VPS13B: variants seen among roughly 807,000 people sequenced by gnomAD.
VPS13B encodes the protein intermembrane lipid transfer protein VPS13B.
A neutral mutation model predicts 426.4 loss-of-function variants in VPS13B; 285 were observed. The observed-to-expected ratio is 0.67, with a 90% CI of 0.61 to 0.74. The LOEUF is 0.74. Among genes scored for constraint, VPS13B ranks in the 30% least tolerant of loss-of-function variants. The pLI, the probability that VPS13B is intolerant of heterozygous loss-of-function variation, is 0.00. For missense variants in VPS13B, 4,537 were observed against 4,782.6 expected (o/e 0.95, Z 1.51); for synonymous variants, 1,676 against 1,676.4 (o/e 1.00, Z 0.01).
chr8:99,297,974 A>T (rs984960500), intron 19 of VPS13B, among the ~76,000 whole-genome samples: 2 of 152,222 alleles, frequency 1.3e-5, no homozygotes, highest in African/African-American at 4.8e-5. Context: ...TTTTACCAAT[A>T]GAAAGAAGGG....
chr8:99,192,853 A>G (rs1813679022), intron 16 of VPS13B, 23 bp from the exon 17 acceptor site: 2 of 1,611,250 alleles, frequency 1.2e-6, no homozygotes, highest in African/African-American at 2.7e-5. Context: ...CTGTATTGCG[A>G]TTCTTTCTGT....
At chr8:99,400,568 G>A (rs1156323538) in intron 21 of VPS13B, among the ~76,000 whole-genome samples, 1 of 152,070 alleles carries the variant, frequency 6.6e-6, no homozygotes, top group African/African-American at 2.4e-5. Flanking sequence ...AAGCGTGTAA[G>A]GTTATTTTAA....
intron 43 of VPS13B, among the ~76,000 whole-genome samples, chr8:99,785,153 G>A (rs1024543045): frequency 1.3e-5 from 2 of 152,162 alleles, no homozygotes; most frequent in Non-Finnish European, 2.9e-5. Context: ...TATGTGTCCT[G>A]TAGCGATAAT....
chr8:99,509,263 T>C (rs1821658936), intron 28 of VPS13B, among the ~76,000 whole-genome samples: 1 of 152,136 alleles, frequency 6.6e-6, no homozygotes, highest in African/African-American at 2.4e-5. Context: ...ATACATCTTT[T>C]TGTTTTTGAG....
At chr8:99,700,214 T>C (rs1280392169) in intron 36 of VPS13B, among the ~76,000 whole-genome samples, 1 of 152,196 alleles carries the variant, frequency 6.6e-6, no homozygotes, top group African/African-American at 2.4e-5. Flanking sequence ...AAAACAGCTA[T>C]AGTGGAACAA....
In VPS13B at chr8:99,275,154, G is replaced by A. The variant is rs1818828251; in HGVS notation, c.2724G>A (p.Lys908=). The change falls in exon 19 of 62, where the codon AAG becomes AAA. Residue 908 remains lysine, a synonymous_variant. Coordinates refer to ENST00000357162, the MANE Select transcript of VPS13B (RefSeq NM_152564.5). ...ACACTAAAGACCTTCATAGCACCAA[G>A]TGGCTCAATGAGAGTAGAAAGCCAG... The part of the protein sequence containing the change: ...PSDTKDLHST[K]WLNESRKPES... 1 of 1,612,758 alleles carries A rather than the reference G, an allele frequency of 6.2e-7. No individual in the cohort carries two copies. The highest frequency in any genetic ancestry group is 1.3e-5 in the African/African-American group (1 of 74,886).
chr8:99,558,529 A>G (rs1184585376), intron 31 of VPS13B, among the ~76,000 whole-genome samples: 1 of 152,058 alleles, frequency 6.6e-6, no homozygotes, highest in Non-Finnish European at 1.5e-5. Flanking sequence ...CATTTACGTT[A>G]GGTATTTCTC....
chr8:99,139,166 C>T (rs1233672268), intron 12 of VPS13B, among the ~76,000 whole-genome samples: 3 of 152,120 alleles, frequency 2.0e-5, no homozygotes, highest in African/African-American at 7.2e-5. Flanking sequence ...CCACGCACAC[C>T]AAGAAATAGG....
rs756724517 is a variant in VPS13B, at chr8:99,766,783, A to G, written c.7060A>G (p.Ser2354Gly). 6.2e-7 allele frequency: 1 copy of G among 1,613,552 alleles called. No individual in the cohort carries two copies. The highest frequency in any genetic ancestry group is 8.5e-7 in the Non-Finnish European group (1 of 1,179,874). Residue 2354 changes from serine to glycine, a missense_variant, in exon 40 of 62, where the codon AGC (serine) becomes GGC (glycine). By Grantham distance (56) the Ser-to-Gly change is moderately conservative. Transcript: ENST00000357162. Reference protein sequence around the residue: ...DLGDVLQVPCSLEYWDELQKV... With the variant: ...DLGDVLQVPCGLEYWDELQKV... ...TTTTATTTTAACATAGGTTCCTTGT[A>G]GCTTGGAATACTGGGATGAACTCCA...
chr8:99,189,431 T>C (rs969929237), intron 16 of VPS13B, among the ~76,000 whole-genome samples: 4 of 152,218 alleles, frequency 2.6e-5, no homozygotes, highest in African/African-American at 2.4e-5. Flanking sequence ...TTTTTCCTTA[T>C]CATTTTTGGA....
chr8:99,620,574 T>G (rs1245561336), intron 33 of VPS13B, among the ~76,000 whole-genome samples: 2 of 152,170 alleles, frequency 1.3e-5, no homozygotes, highest in Non-Finnish European at 2.9e-5. Context: ...CCAAAGGCTC[T>G]GTGGTTATAA....
rs1186386926 is a variant in VPS13B, at chr8:99,871,432, TTC to T, written c.11496-13_11496-12del. The stretch of plus-strand genomic sequence containing the variant: ...TCACAGCTGGCCCCTGGCCTCACTT[TTC>T]TCCTTTTAAACAGGAAAATGCTTCA... On this transcript the variant is annotated splice_polypyrimidine_tract_variant and intron_variant, in intron 60 of 61. Coordinates refer to ENST00000357162, the MANE Select transcript of VPS13B (RefSeq NM_152564.5). 6.2e-7 allele frequency: 1 copy of T among 1,614,124 alleles called. No individual in the cohort carries two copies. The highest frequency in any genetic ancestry group is 8.5e-7 in the Non-Finnish European group (1 of 1,180,028).
chr8:99,015,716 A>G (rs1841579150), intron 2 of VPS13B, among the ~76,000 whole-genome samples: 1 of 151,682 alleles, frequency 6.6e-6, no homozygotes, highest in African/African-American at 2.4e-5. Context: ...AGCCTAGCCA[A>G]CATGGTGAAA....
chr8:99,811,596 A>G (rs1813701815), intron 44 of VPS13B, among the ~76,000 whole-genome samples: 1 of 152,174 alleles, frequency 6.6e-6, no homozygotes, highest in Non-Finnish European at 1.5e-5. Flanking sequence ...AAACTTTCCC[A>G]GGTAGTTCAG....
At chr8:99,835,419 T>A in intron 53 of VPS13B, 95 bp downstream of exon 53, 1 of 1,501,224 alleles carries the variant, frequency 6.7e-7, no homozygotes, top group Non-Finnish European at 9.1e-7. Flanking sequence ...GTGAAAAAAA[T>A]ATTTAAATAA....
chr8:99,596,367 T>C (rs1359752428), intron 33 of VPS13B, among the ~76,000 whole-genome samples: 1 of 151,952 alleles, frequency 6.6e-6, no homozygotes, highest in African/African-American at 2.4e-5. Context: ...GTTAGAACAT[T>C]TCACTTGGAG....
chr8:99,493,510 C>A (rs925122089), intron 25 of VPS13B, among the ~76,000 whole-genome samples: 6 of 151,944 alleles, frequency 3.9e-5, no homozygotes, highest in Admixed American at 2.6e-4. Flanking sequence ...ATGGGTTGGG[C>A]GTGGTGGCTC....
chr8:99,168,583 T>C (rs1417713441), intron 15 of VPS13B, among the ~76,000 whole-genome samples: 1 of 152,074 alleles, frequency 6.6e-6, no homozygotes, highest in Non-Finnish European at 1.5e-5. Flanking sequence ...ATTTGGCCTT[T>C]ATGAGGAAAT....
chr8:99,639,160 A>G (rs1047296714), intron 33 of VPS13B, among the ~76,000 whole-genome samples: 2 of 152,176 alleles, frequency 1.3e-5, no homozygotes, highest in African/African-American at 2.4e-5. Context: ...TCAGAGTCAT[A>G]CAATTAGAGA....
Sources: gnomAD v4.1 joint callset for allele counts (sites outside exome capture counted in the v4.1 genomes callset) on GRCh38, gnomAD v4.1.1 for gene constraint, MANE v1.5 for transcripts, NCBI Gene and HGNC (gene_info 2026-07-23, HGNC 2026-07-21) for gene names.